The following PCCA variants were observed in gnomAD, a reference collection of about 807,000 sequenced individuals.
PCCA encodes the protein propionyl-CoA carboxylase alpha chain, mitochondrial.
In PCCA, 74 loss-of-function variants were observed where a neutral mutation model predicts 101.3. The observed-to-expected ratio is 0.73, with a 90% CI of 0.61 to 0.89. The LOEUF (loss-of-function observed/expected upper bound fraction) is 0.89. Ranked by LOEUF, PCCA falls within the 40% of genes least tolerant of loss-of-function variation. PCCA has a pLI of 0.00. For missense variants in PCCA, 891 were observed against 907.0 expected, an observed-to-expected ratio of 0.98 and a Z score of 0.23; for synonymous variants, 294 against 313.6, an observed-to-expected ratio of 0.94 and a Z score of 0.66.
chr13:100,371,299 A>G (rs1595635311), intron 19 of PCCA, among the ~76,000 whole-genome samples: 1 of 152,212 alleles, frequency 6.6e-6, no homozygotes, highest in East Asian at 1.9e-4. Context: ...AGGCAAAGCA[A>G]TTTCATTTAC....
At chr13:100,423,881 G>C (rs926543113) in intron 19 of PCCA, among the ~76,000 whole-genome samples, 1 of 152,216 alleles carries the variant, frequency 6.6e-6, no homozygotes, top group Non-Finnish European at 1.5e-5. Flanking sequence ...AGACTCACAC[G>C]CAGTCTTCCT....
intron 18 of PCCA, among the ~76,000 whole-genome samples, chr13:100,352,859 G>C (rs1046142885): frequency 6.6e-5 from 10 of 152,268 alleles, no homozygotes; most frequent in African/African-American, 2.4e-4. Flanking sequence ...ACTCCACCAT[G>C]CCCAGCTAAT....
chr13:100,378,561 T>C (rs2076053893), intron 19 of PCCA, among the ~76,000 whole-genome samples: 1 of 152,216 alleles, frequency 6.6e-6, no homozygotes, highest in Admixed American at 6.5e-5. Flanking sequence ...GGGATACTGA[T>C]AATCTTGATT....
At chr13:100,270,532 T>G (rs928960309) in intron 11 of PCCA, among the ~76,000 whole-genome samples, 1 of 152,228 alleles carries the variant, frequency 6.6e-6, no homozygotes, top group African/African-American at 2.4e-5. Context: ...GTTTTTTCTC[T>G]TTGTCTAGAA....
In PCCA at chr13:100,495,755, C is replaced by T. The variant is rs2085228403; in HGVS notation, c.1900-19672C>T. Among the ~76,000 whole-genome samples the T allele has an allele frequency of 2.6e-5, 4 of 152,188 alleles. No individual in the cohort carries two copies. The South Asian group carries it at 8.3e-4, about 32-fold the overall frequency. On this transcript the variant is annotated intron_variant, in intron 21 of 23. Transcript: ENST00000376285. Reference sequence around the variant, plus strand: ...TTCTCACTACCCTGAACATAGCCTACACGCTTTTAATCCTACACTTATTTT... The same window carrying T: ...TTCTCACTACCCTGAACATAGCCTATACGCTTTTAATCCTACACTTATTTT...
intron 7 of PCCA, among the ~76,000 whole-genome samples, chr13:100,218,052 G>C (rs2059618050): frequency 6.7e-6 from 1 of 150,286 alleles, no homozygotes; most frequent in Non-Finnish European, 1.5e-5. Flanking sequence ...TCCAGCCTGG[G>C]CAACAGAGTA....
chr13:100,380,032 A>AACACACACACACACACACAC (rs140284754), intron 19 of PCCA, among the ~76,000 whole-genome samples: 1 of 149,660 alleles, frequency 6.7e-6, no homozygotes, highest in South Asian at 2.1e-4. Context: ...AAGTAATCTA[A>AACACACACACACACACACAC]ACACACACAC....
chr13:100,252,976 TC>T (rs1262141651), intron 8 of PCCA, among the ~76,000 whole-genome samples: 1 of 152,268 alleles, frequency 6.6e-6, no homozygotes, highest in Non-Finnish European at 1.5e-5. Flanking sequence ...TCTGGACTCA[TC>T]CCCCCTCACT....
intron 5 of PCCA, 140 bp downstream of exon 5, chr13:100,155,232 G>A (rs2053760584): frequency 1.0e-5 from 7 of 676,014 alleles, no homozygotes; most frequent in East Asian, 2.8e-5. Context: ...AGTTAAATGT[G>A]GTCGAATTCG....
chr13:100,291,717 A>G (rs2065139854), intron 12 of PCCA, among the ~76,000 whole-genome samples: 1 of 152,200 alleles, frequency 6.6e-6, no homozygotes, highest in African/African-American at 2.4e-5. Context: ...CTGGAAGAGC[A>G]TATGTCTCCT....
At position 100,473,216 on chromosome 13, in the gene PCCA, G is replaced by A. The variant is rs1438681883; in HGVS notation, c.1899+23911G>A. 32 of 152,162 alleles carry A rather than the reference G, an allele frequency of 2.1e-4. 1 individual carries two copies. The highest frequency in any genetic ancestry group is 2.0e-3 in the Admixed American group (30 of 15,272). The allele number at this position is 152,162 out of a possible 1,614,324, so 9.4% of individuals were successfully genotyped here. ...GTGAATTAATCTCTTCTCCCAGAAC[G>A]CCCCACAAGGGCCACCGCCGTGCCT... On this transcript the variant is annotated intron_variant, in intron 21 of 23. Transcript: ENST00000376285.
At chr13:100,255,942 ACC>A (rs952643694) in intron 8 of PCCA, among the ~76,000 whole-genome samples, 1 of 151,742 alleles carries the variant, frequency 6.6e-6, no homozygotes, top group Admixed American at 6.6e-5. Context: ...TATAATCTCC[ACC>A]TCTGTTTTCC....
chr13:100,131,447 T>A (rs1318300945), intron 4 of PCCA, among the ~76,000 whole-genome samples: 2 of 152,216 alleles, frequency 1.3e-5, no homozygotes, highest in African/African-American at 4.8e-5. Context: ...AATGTGGGTA[T>A]ATTAGCCACA....
intron 4 of PCCA, among the ~76,000 whole-genome samples, chr13:100,118,212 T>C (rs1203912554): frequency 6.6e-6 from 1 of 152,200 alleles, no homozygotes; most frequent in Non-Finnish European, 1.5e-5. Flanking sequence ...AGTATGGTTT[T>C]CTACATATCT....
chr13:100,481,694 C>A (rs2083952647), intron 21 of PCCA, among the ~76,000 whole-genome samples: 1 of 152,038 alleles, frequency 6.6e-6, no homozygotes, highest in African/African-American at 2.4e-5. Context: ...GGGTTTATGA[C>A]CCAGGCAGGA....
intron 12 of PCCA, among the ~76,000 whole-genome samples, chr13:100,300,769 A>T (rs539079167): frequency 6.6e-6 from 1 of 152,362 alleles, no homozygotes; most frequent in South Asian, 2.1e-4. Context: ...TTTTGTACAT[A>T]CATATCTCAT....
intron 12 of PCCA, 99 bp from the exon 13 acceptor site, chr13:100,301,361 T>A: frequency 1.6e-6 from 2 of 1,285,160 alleles, no homozygotes; most frequent in Non-Finnish European, 2.3e-6. Flanking sequence ...TACATTCGAT[T>A]AACTTCATTT....
intron 19 of PCCA, among the ~76,000 whole-genome samples, chr13:100,409,268 T>A (rs915369539): frequency 1.3e-5 from 2 of 152,198 alleles, no homozygotes; most frequent in Admixed American, 1.3e-4. Context: ...TGAAAGGTTT[T>A]GAGTCCCCAT....
chr13:100,474,092 T>A (rs1332967233), intron 21 of PCCA, among the ~76,000 whole-genome samples: 1 of 152,230 alleles, frequency 6.6e-6, no homozygotes, highest in Non-Finnish European at 1.5e-5. Flanking sequence ...GGTAGGGAAT[T>A]GAATTGCTCA....
Sources: allele counts gnomAD v4.1 joint callset (sites outside exome capture counted in the v4.1 genomes callset), GRCh38; gene constraint gnomAD v4.1.1; transcripts MANE v1.5; gene names NCBI Gene and HGNC (gene_info 2026-07-23, HGNC 2026-07-21).